Variants in AGAP1 observed in about 807,000 individuals in gnomAD.
The protein encoded by AGAP1 is arf-GAP with GTPase, ANK repeat and PH domain-containing protein 1.
A neutral mutation model predicts 105.3 loss-of-function variants in AGAP1; 29 were observed. The ratio of observed to expected loss-of-function variants is 0.28; its 90% CI spans 0.21 to 0.38. The LOEUF is 0.38. Among genes scored for constraint, AGAP1 ranks in the 10% least tolerant of loss-of-function variants. The probability of loss-of-function intolerance (pLI) is 1.00; values close to 1 mark genes in which losing one functional copy is unlikely to be tolerated. For synonymous variants in AGAP1, 509 were observed against 485.9 expected (o/e 1.05, Z -0.63); for missense variants, 998 against 1,165.1 (o/e 0.86, Z 2.09).
rs1009786711 is a variant in AGAP1, at chr2:235,551,161, G to T, written c.163+56312G>T. ...TCCCACCTCCCTGGCCACCTCCAGT[G>T]GTGTGAGTTGGTTGCTTGATGTCAT... On this transcript the variant is annotated intron_variant, in intron 1 of 17. Transcript: ENST00000304032. This position sits in a 1 kb window ranked among gnomAD's most constrained non-coding sequence, Gnocchi z 4.8. 1.3e-5 allele frequency among the ~76,000 whole-genome samples: 2 copies of T among 152,186 alleles called. No individual in the cohort carries two copies. Among genetic ancestry groups the T allele is most frequent in the African/African-American group, 4.8e-5 (2 of 41,444 alleles).
At chr2:235,726,686 A>T (rs1951665341) in intron 3 of AGAP1, among the ~76,000 whole-genome samples, 1 of 152,136 alleles carries the variant, frequency 6.6e-6, no homozygotes, top group Non-Finnish European at 1.5e-5. Context: ...GCCCCTGGCC[A>T]GGGAACCGCC....
rs148902167 is a variant in AGAP1, at chr2:236,005,125, T to TTG, written c.1646-31422_1646-31421dup. Among the ~76,000 whole-genome samples the TTG allele has an allele frequency of 0.23, 35,202 of 149,942 alleles. 4,224 individuals carry two copies. Among genetic ancestry groups the TTG allele is most frequent in the African/African-American group, 0.29 (11,613 of 39,756 alleles). ...CCCCCTGACAAGTTTCCCATGTTTT[T>TTG]TGTGTGTGTGTGTGTTTTGGTTTTT... On this transcript the variant is annotated intron_variant, in intron 13 of 17. Coordinates refer to ENST00000304032, the MANE Select transcript of AGAP1 (RefSeq NM_001037131.3). This position sits in a 1 kb window ranked among gnomAD's most constrained non-coding sequence, Gnocchi z 4.1.
Position 235,994,315 on chromosome 2 carries a change from T to A in AGAP1, c.1645+25692T>A, listed in dbSNP as rs980271706. Among the ~76,000 whole-genome samples, 17 of 152,188 alleles carry A rather than the reference T, an allele frequency of 1.1e-4. No individual in the cohort carries two copies. The highest frequency in any genetic ancestry group is 9.8e-4 in the Admixed American group (15 of 15,284). On this transcript the variant is annotated intron_variant, in intron 13 of 17. Transcript: ENST00000304032. The surrounding 1 kb of genome is among the most constrained non-coding windows in gnomAD (Gnocchi z 4.4). ...CTTTTATGCCCTCCTGAAAGCTGGT[T>A]CCATTTAGGGGTGTTCCCTGTCATT...
At chr2:236,108,332 C>T (rs1173826838) in intron 16 of AGAP1, among the ~76,000 whole-genome samples, 1 of 152,234 alleles carries the variant, frequency 6.6e-6, no homozygotes, top group African/African-American at 2.4e-5. Context: ...AGGAAGCACT[C>T]TGGAAATTCC....
At chr2:235,764,542 C>T (rs1954752479) in intron 6 of AGAP1, among the ~76,000 whole-genome samples, 1 of 152,240 alleles carries the variant, frequency 6.6e-6, no homozygotes, top group African/African-American at 2.4e-5. Flanking sequence ...CAGTCACTGA[C>T]AGGTCACTGC....
intron 1 of AGAP1, among the ~76,000 whole-genome samples, chr2:235,588,559 G>T (rs1032486717): frequency 2.6e-5 from 4 of 152,030 alleles, no homozygotes; most frequent in Non-Finnish European, 4.4e-5. Flanking sequence ...AAAAAAATTG[G>T]GTTTTCAAAG....
At position 236,078,857 on chromosome 2, in the gene AGAP1, T is replaced by C. The variant is rs925801441; in HGVS notation, c.2114+29576T>C. Reference sequence around the variant, plus strand: ...GCCCCATCCCACGTGGTTAAGTGGGTGGCCACACCCACTGCCTTTCCTTTC... The same window carrying C: ...GCCCCATCCCACGTGGTTAAGTGGGCGGCCACACCCACTGCCTTTCCTTTC... On this transcript the variant is annotated intron_variant, in intron 16 of 17. Coordinates refer to ENST00000304032, the MANE Select transcript of AGAP1 (RefSeq NM_001037131.3). The surrounding 1 kb of genome is among the most constrained non-coding windows in gnomAD (Gnocchi z 5.3). Among the ~76,000 whole-genome samples the C allele has an allele frequency of 6.6e-6, 1 of 152,196 alleles. No individual in the cohort carries two copies. The highest frequency in any genetic ancestry group is 2.4e-5 in the African/African-American group (1 of 41,450).
intron 9 of AGAP1, among the ~76,000 whole-genome samples, chr2:235,826,598 C>T (rs547244899): frequency 2.6e-4 from 39 of 152,046 alleles, no homozygotes; most frequent in East Asian, 1.2e-3. Context: ...TACAGGCGCC[C>T]GCCACCACAC....
chr2:235,910,495 G>A (rs11686260), intron 11 of AGAP1, among the ~76,000 whole-genome samples: 3 of 152,184 alleles, frequency 2.0e-5, no homozygotes, highest in Admixed American at 6.5e-5. Context: ...TCTTATTAGA[G>A]CGGTGTGCTA....
chr2:235,653,500 A>AAAATG (rs1349313285), intron 1 of AGAP1, among the ~76,000 whole-genome samples: 1 of 19,680 alleles, frequency 5.1e-5, no homozygotes, highest in Non-Finnish European at 1.2e-4. Context: ...AAAATAAAAT[A>AAAATG]TAACATAACA....
At position 235,973,616 on chromosome 2, in the gene AGAP1, G is replaced by A. The variant is rs1390296299; in HGVS notation, c.1645+4993G>A. ...GGCATGGTGACTGTGACCAGCTGATGGAAGGTTTGCAAAGAAGGGCGTCCC... is the reference window on the plus strand; with the variant it reads ...GGCATGGTGACTGTGACCAGCTGATAGAAGGTTTGCAAAGAAGGGCGTCCC... On this transcript the variant is annotated intron_variant, in intron 13 of 17. Transcript: ENST00000304032. The surrounding 1 kb of genome is among the most constrained non-coding windows in gnomAD (Gnocchi z 4.7). Among the ~76,000 whole-genome samples the A allele has an allele frequency of 2.0e-5, 3 of 152,320 alleles. No individual in the cohort carries two copies. In the East Asian group the frequency reaches 5.8e-4, roughly 29 times the overall value.
chr2:236,043,472 A>T, intron 15 of AGAP1, among the ~76,000 whole-genome samples: 1 of 152,220 alleles, frequency 6.6e-6, no homozygotes, highest in East Asian at 1.9e-4. Context: ...CACGCCTGTA[A>T]TCCCAGCACT....
In AGAP1 at chr2:236,038,142, C is replaced by A. The variant is rs77358288; in HGVS notation, c.1800+1427C>A. Among the ~76,000 whole-genome samples, 11 of 152,304 alleles carry A rather than the reference C, an allele frequency of 7.2e-5. No homozygotes were observed. In the East Asian group the frequency reaches 2.1e-3, roughly 29 times the overall value. The stretch of plus-strand genomic sequence containing the variant: ...GAACCACTGCCTTTCATTCCATACA[C>A]CCTGGCTTTACTGGGTCACGTCCAC... On this transcript the variant is annotated intron_variant, in intron 14 of 17. Coordinates refer to ENST00000304032, the MANE Select transcript of AGAP1 (RefSeq NM_001037131.3). This position sits in a 1 kb window ranked among gnomAD's most constrained non-coding sequence, Gnocchi z 4.5.
chr2:235,729,921 C>T lies in AGAP1; in HGVS notation c.311-11042C>T, dbSNP rs558631705. ...CAACATGCAAGGCCTAAAATGTTTA[C>T]TTTCTGGCCTTTTACACAGGCAGTT... On this transcript the variant is annotated intron_variant, in intron 3 of 17. Coordinates refer to ENST00000304032, the MANE Select transcript of AGAP1 (RefSeq NM_001037131.3). This position sits in a 1 kb window ranked among gnomAD's most constrained non-coding sequence, Gnocchi z 5.0. Among the ~76,000 whole-genome samples, 1 of 152,204 alleles carries T rather than the reference C, an allele frequency of 6.6e-6. No homozygotes were observed. The highest frequency in any genetic ancestry group is 6.5e-5 in the Admixed American group (1 of 15,300).
chr2:235,948,330 G>A (rs564953963), intron 12 of AGAP1, among the ~76,000 whole-genome samples: 83 of 152,030 alleles, frequency 5.5e-4, no homozygotes, highest in South Asian at 1.5e-3. Context: ...CCACAGGCAT[G>A]CGCCACCATG....
At chr2:236,091,223 A>G (rs1480013970) in intron 16 of AGAP1, among the ~76,000 whole-genome samples, 1 of 152,162 alleles carries the variant, frequency 6.6e-6, no homozygotes, top group African/African-American at 2.4e-5. Flanking sequence ...GCAACTTTGG[A>G]GGGGTGAAGA....
At position 235,714,328 on chromosome 2, in the gene AGAP1, T is replaced by G. The variant is rs1177041303; in HGVS notation, c.223-3229T>G. Among the ~76,000 whole-genome samples the G allele has an allele frequency of 6.6e-6, 1 of 152,076 alleles. No homozygotes were observed. The highest frequency in any genetic ancestry group is 1.5e-5 in the Non-Finnish European group (1 of 68,032). ...ACCATGCCCAGCCAGGGGTTAGGTT[T>G]CAACATATGAGTTTGGCTGGGAGTG... On this transcript the variant is annotated intron_variant, in intron 2 of 17. Coordinates refer to ENST00000304032, the MANE Select transcript of AGAP1 (RefSeq NM_001037131.3). This position sits in a 1 kb window ranked among gnomAD's most constrained non-coding sequence, Gnocchi z 4.1.
chr2:236,024,337 C>G (rs1297557978), intron 13 of AGAP1, among the ~76,000 whole-genome samples: 1 of 152,072 alleles, frequency 6.6e-6, no homozygotes, highest in Admixed American at 6.6e-5. Flanking sequence ...GCGCCCGGCC[C>G]CATCAACAGC....
rs972342295 is a variant in AGAP1 at position 236,073,062 on chromosome 2, C to T, written c.2114+23781C>T. Among the ~76,000 whole-genome samples, 3 of 151,708 alleles carry T rather than the reference C, an allele frequency of 2.0e-5. No individual in the cohort carries two copies. The highest frequency in any genetic ancestry group is 4.4e-5 in the Non-Finnish European group (3 of 67,970). On this transcript the variant is annotated intron_variant, in intron 16 of 17. Transcript: ENST00000304032. The surrounding 1 kb of genome is among the most constrained non-coding windows in gnomAD (Gnocchi z 5.4). Reference sequence around the variant, plus strand: ...CCAGGCTGGAGTGCAGTGGTGCAATCTCAGCTCACTGCAACTTCCGCCTCC... The same window carrying T: ...CCAGGCTGGAGTGCAGTGGTGCAATTTCAGCTCACTGCAACTTCCGCCTCC...
Sources: gnomAD v4.1 joint callset for allele counts (sites outside exome capture counted in the v4.1 genomes callset) on GRCh38, gnomAD v4.1.1 for gene constraint, Gnocchi (gnomAD v3.1) non-coding constraint, MANE v1.5 for transcripts, NCBI Gene and HGNC (gene_info 2026-07-23, HGNC 2026-07-21) for gene names.